RNF144A: variants seen among roughly 807,000 people sequenced by gnomAD.
RNF144A encodes ring finger protein 144A.
Under a neutral mutation model 38.7 loss-of-function variants are expected in RNF144A, and 11 were observed. The observed-to-expected ratio is 0.28, with a 90% CI of 0.18 to 0.47. The LOEUF (loss-of-function observed/expected upper bound fraction) is 0.47. Ranked by LOEUF, RNF144A falls within the 20% of genes least tolerant of loss-of-function variation. The probability of loss-of-function intolerance (pLI) is 0.99; values close to 1 mark genes in which losing one functional copy is unlikely to be tolerated. For synonymous variants in RNF144A, 149 were observed against 143.9 expected (o/e 1.04, Z -0.25); for missense variants, 316 against 377.2 (o/e 0.84, Z 1.34).
intron 5 of RNF144A, among the ~76,000 whole-genome samples, chr2:7,015,153 T>C (rs578037150): frequency 6.6e-6 from 1 of 152,222 alleles, no homozygotes; most frequent in South Asian, 2.1e-4. Context: ...TGGAGGGAAG[T>C]CGTGAGGGTA....
intron 3 of RNF144A, among the ~76,000 whole-genome samples, chr2:7,001,829 T>A (rs972293410): frequency 7.9e-5 from 12 of 152,252 alleles, no homozygotes; most frequent in African/African-American, 2.9e-4. Context: ...CTGTGGGATA[T>A]AGGTTCAGAT....
intron 2 of RNF144A, among the ~76,000 whole-genome samples, chr2:6,959,795 C>G (rs531435356): frequency 1.4e-4 from 22 of 152,318 alleles, no homozygotes; most frequent in South Asian, 1.0e-3. Flanking sequence ...CACCACCCCC[C>G]CCATACTGTT....
intron 5 of RNF144A, among the ~76,000 whole-genome samples, chr2:7,017,795 G>T (rs766715297): frequency 3.9e-5 from 6 of 152,142 alleles, no homozygotes; most frequent in Non-Finnish European, 7.3e-5. Flanking sequence ...GCCTCAGCCT[G>T]GGGCCATGTT....
chr2:7,022,947 G>C (rs190777236), intron 6 of RNF144A, among the ~76,000 whole-genome samples: 2 of 152,206 alleles, frequency 1.3e-5, no homozygotes, highest in Admixed American at 1.3e-4. Flanking sequence ...TTATCTTTCA[G>C]TAACAGTTGT....
chr2:6,945,597 G>T (rs1021247724), intron 2 of RNF144A, among the ~76,000 whole-genome samples: 1 of 152,170 alleles, frequency 6.6e-6, no homozygotes, highest in Non-Finnish European at 1.5e-5. Context: ...TCTCTAGAAA[G>T]ATCAAGTCAG....
intron 3 of RNF144A, among the ~76,000 whole-genome samples, chr2:7,009,572 G>C (rs539028790): frequency 6.7e-6 from 1 of 149,922 alleles, no homozygotes; most frequent in East Asian, 2.0e-4. Flanking sequence ...TTTATAATTT[G>C]AACTCTTCAG....
intron 6 of RNF144A, among the ~76,000 whole-genome samples, chr2:7,060,518 C>A (rs1028954142): frequency 6.6e-6 from 1 of 152,134 alleles, no homozygotes; most frequent in Non-Finnish European, 1.5e-5. Flanking sequence ...TATAACCTTT[C>A]CCCCTGGCAA....
intron 8 of RNF144A, among the ~76,000 whole-genome samples, chr2:7,037,542 G>A (rs1558454409): frequency 6.6e-6 from 1 of 152,232 alleles, no homozygotes; most frequent in African/African-American, 2.4e-5. Context: ...TAGTTCCACC[G>A]TTGATATGTT....
At chr2:6,975,028 A>T (rs193225433) in intron 2 of RNF144A, among the ~76,000 whole-genome samples, 1 of 152,314 alleles carries the variant, frequency 6.6e-6, no homozygotes, top group Admixed American at 6.5e-5. Flanking sequence ...TTTTTATTAA[A>T]ATCTTTGTGA....
chr2:6,921,613 A>G (rs535168786), intron 1 of RNF144A, among the ~76,000 whole-genome samples: 2 of 152,302 alleles, frequency 1.3e-5, no homozygotes, highest in South Asian at 4.1e-4. Flanking sequence ...ATAAGGATAG[A>G]TCCCATGACC....
intron 2 of RNF144A, among the ~76,000 whole-genome samples, chr2:6,980,945 A>T (rs1668591351): frequency 6.6e-6 from 1 of 152,206 alleles, no homozygotes. Flanking sequence ...CACAGGCCCA[A>T]TACCACGTGG....
At chr2:6,937,317 A>G (rs1665656336) in intron 1 of RNF144A, among the ~76,000 whole-genome samples, 1 of 152,332 alleles carries the variant, frequency 6.6e-6, no homozygotes, top group South Asian at 2.1e-4. Flanking sequence ...CTGTGTGACC[A>G]TGGGCCACTG....
At position 7,020,667 on chromosome 2, in the gene RNF144A, C is replaced by G; in HGVS notation, c.496C>G (p.Pro166Ala). Residue 166 changes from proline to alanine, a missense_variant, in exon 6 of 9, where the codon CCC becomes GCC. By Grantham distance (27) the Pro-to-Ala change is conservative. Transcript: ENST00000320892. ...GGAGACCATGCCGATCACCTTCCTCCCCGGGGAGACCAGGTACCCTTTGTA... is the reference window on the plus strand; with the variant it reads ...GGAGACCATGCCGATCACCTTCCTCGCCGGGGAGACCAGGTACCCTTTGTA... ...CPETMPITFL[P>A]GETSAAFKME... 6.2e-7 allele frequency: 1 copy of G among 1,603,262 alleles called. No individual in the cohort carries two copies.
At position 6,927,016 on chromosome 2, in the gene RNF144A, G is replaced by T. The variant is rs538103095; in HGVS notation, c.-212+9394G>T. 5.9e-5 allele frequency among the ~76,000 whole-genome samples: 9 copies of T among 152,234 alleles called. No homozygotes were observed. In the East Asian group the frequency reaches 1.5e-3, roughly 26 times the overall value. On this transcript the variant is annotated intron_variant, in intron 1 of 8. Transcript: ENST00000320892. The stretch of plus-strand genomic sequence containing the variant: ...GCAGGGATTCATCTCTTAAACTTGC[G>T]GTACTTTGTTGAGTCCAGTTTCACT...
intron 5 of RNF144A, among the ~76,000 whole-genome samples, chr2:7,015,629 A>G (rs747359145): frequency 6.6e-6 from 1 of 152,200 alleles, no homozygotes; most frequent in African/African-American, 2.4e-5. Flanking sequence ...GGGTCATACA[A>G]TGAAACTGTA....
chr2:7,005,104 T>A lies in RNF144A; in HGVS notation c.135+8043T>A, dbSNP rs147720567. On this transcript the variant is annotated intron_variant, in intron 3 of 8. Coordinates refer to ENST00000320892, the MANE Select transcript of RNF144A (RefSeq NM_014746.6). ...CGTCAGATTAAGAAGAAACTAAATA[T>A]CTTACACTGTGATATTGGCCTGCCC... Among the ~76,000 whole-genome samples the A allele has an allele frequency of 6.0e-3, 915 of 152,340 alleles. 7 individuals carry two copies. The highest frequency in any genetic ancestry group is 0.021 in the African/African-American group (876 of 41,578).
intron 7 of RNF144A, among the ~76,000 whole-genome samples, chr2:7,027,314 G>A (rs1455606139): frequency 6.6e-6 from 1 of 152,186 alleles, no homozygotes; most frequent in East Asian, 1.9e-4. Context: ...CTGTAAAAAG[G>A]GACATGTGCA....
chr2:7,021,498 G>A lies in RNF144A; in HGVS notation c.509+818G>A, dbSNP rs545504167. Among the ~76,000 whole-genome samples, 440 of 152,202 alleles carry A rather than the reference G, an allele frequency of 2.9e-3. 1 individual carries two copies. The highest frequency in any genetic ancestry group is 4.8e-3 in the South Asian group (23 of 4,818). Reference sequence around the variant, plus strand: ...TGCCACACACCCCTGGTCTCCTTCCGGGCGAACCTCTCTTCCCGTGTCTGG... The same window carrying A: ...TGCCACACACCCCTGGTCTCCTTCCAGGCGAACCTCTCTTCCCGTGTCTGG... On this transcript the variant is annotated intron_variant, in intron 6 of 8. Coordinates refer to ENST00000320892, the MANE Select transcript of RNF144A (RefSeq NM_014746.6).
rs116493297 is a variant in RNF144A, at chr2:7,006,521, G to A, written c.136-7933G>A. ...TAAGGGCCCTGTGACTCCTGCCTCCGATGCCCGTACTGGCCTCAGAGGAGA... is the reference window on the plus strand; with the variant it reads ...TAAGGGCCCTGTGACTCCTGCCTCCAATGCCCGTACTGGCCTCAGAGGAGA... On this transcript the variant is annotated intron_variant, in intron 3 of 8. Coordinates refer to ENST00000320892, the MANE Select transcript of RNF144A (RefSeq NM_014746.6). 6.9e-3 allele frequency among the ~76,000 whole-genome samples: 1,055 copies of A among 152,086 alleles called. 9 individuals are homozygous for A. Among genetic ancestry groups the A allele is most frequent in the African/African-American group, 0.022 (915 of 41,492 alleles).
Sources: allele counts gnomAD v4.1 joint callset (sites outside exome capture counted in the v4.1 genomes callset), GRCh38; gene constraint gnomAD v4.1.1; transcripts MANE v1.5; gene names NCBI Gene and HGNC (gene_info 2026-07-23, HGNC 2026-07-21).